Variants in UIMC1 observed in about 807,000 individuals in gnomAD.
The protein encoded by UIMC1 is BRCA1-A complex subunit RAP80.
In UIMC1, 42 loss-of-function variants were observed where a neutral mutation model predicts 84.9. The observed-to-expected ratio is 0.49, with a 90% CI of 0.39 to 0.64. The LOEUF (loss-of-function observed/expected upper bound fraction) is 0.64, where lower values mean the gene tolerates loss of function less well. UIMC1 is among the 30% of genes least tolerant of loss of function. The pLI, the probability that UIMC1 is intolerant of heterozygous loss-of-function variation, is 0.00. For missense variants in UIMC1, 825 were observed against 847.6 expected, an observed-to-expected ratio of 0.97 and a Z score of 0.33; for synonymous variants, 281 against 293.0, an observed-to-expected ratio of 0.96 and a Z score of 0.42.
At chr5:176,959,525 GCTA>G (rs1254015639) in intron 6 of UIMC1, among the ~76,000 whole-genome samples, 21 of 148,334 alleles carry the variant, frequency 1.4e-4, no homozygotes, top group African/African-American at 5.2e-4. Context: ...GACCATCCCA[GCTA>G]AAACGGTGAA....
intron 10 of UIMC1, among the ~76,000 whole-genome samples, chr5:176,927,249 C>T (rs191016326): frequency 3.7e-4 from 56 of 149,874 alleles, no homozygotes; most frequent in African/African-American, 1.3e-3. Context: ...GTCACAGACC[C>T]ATGAATTTCT....
intron 10 of UIMC1, among the ~76,000 whole-genome samples, chr5:176,916,886 C>A (rs1221780449): frequency 6.6e-6 from 1 of 152,088 alleles, no homozygotes; most frequent in Non-Finnish European, 1.5e-5. Context: ...ATATAAACAT[C>A]AACATATTTG....
At chr5:176,973,579 C>CAAAAAA (rs779224466) in intron 3 of UIMC1, among the ~76,000 whole-genome samples, 51 of 78,456 alleles carry the variant, frequency 6.5e-4, no homozygotes, top group African/African-American at 2.5e-3. Flanking sequence ...GACCCTGTCT[C>CAAAAAA]AAAAAAAAAA....
chr5:176,939,458 T>C lies in UIMC1; in HGVS notation c.1597+3877A>G, dbSNP rs2149437154. Among the ~76,000 whole-genome samples the C allele has an allele frequency of 2.0e-5, 3 of 152,042 alleles. No individual in the cohort carries two copies. In the Middle Eastern group the frequency reaches 0.01, roughly 517 times the overall value. The stretch of plus-strand genomic sequence containing the variant: ...CAACGGACCATCTATATGATGGGGG[T>C]GCCATAAAATTATAATACCATATTT... On this transcript the variant is annotated intron_variant, in intron 10 of 14. Coordinates refer to ENST00000511320, the MANE Select transcript of UIMC1 (RefSeq NM_001199298.2).
At chr5:176,975,365 C>G (rs370513575) in intron 3 of UIMC1, 31 bp downstream of exon 3, 34 of 1,607,842 alleles carry the variant, frequency 2.1e-5, no homozygotes, top group Non-Finnish European at 2.8e-5. Flanking sequence ...ATTACAATTC[C>G]CAAACCATTA....
intron 1 of UIMC1, among the ~76,000 whole-genome samples, chr5:177,015,394 C>T (rs1468481529): frequency 1.3e-5 from 2 of 152,248 alleles, no homozygotes; most frequent in Admixed American, 1.3e-4. Flanking sequence ...TTGCCTCAGA[C>T]ATTGTCAGGG....
At chr5:177,011,686 C>T (rs1209768179), upstream of UIMC1, among the ~76,000 whole-genome samples, 6 of 152,086 alleles carry the variant, frequency 3.9e-5, no homozygotes, top group Admixed American at 2.6e-4. Context: ...AATATGACAT[C>T]AAAAGCACAG....
Position 176,925,643 on chromosome 5 carries a change from A to T in UIMC1, c.1598-14254T>A, listed in dbSNP as rs558929932. On this transcript the variant is annotated intron_variant, in intron 10 of 14. Transcript: ENST00000511320. ...AGGAATATAACACGGATCAATCTCA[A>T]AAACATTATGCTGAGTGAAAGATTA... is the stretch of plus-strand genomic sequence containing the variant. Among the ~76,000 whole-genome samples, 7 of 152,332 alleles carry T rather than the reference A, an allele frequency of 4.6e-5. 2 individuals are homozygous for T. The highest frequency in any genetic ancestry group is 1.7e-4 in the African/African-American group (7 of 41,582).
chr5:176,994,975 G>A (rs898851662), intron 1 of UIMC1, among the ~76,000 whole-genome samples: 6 of 151,976 alleles, frequency 3.9e-5, no homozygotes, highest in Admixed American at 2.0e-4. Context: ...GGGGCAGTGT[G>A]CTGGGAGAGT....
intron 10 of UIMC1, among the ~76,000 whole-genome samples, chr5:176,924,788 C>T (rs538995007): frequency 6.6e-6 from 1 of 152,114 alleles, no homozygotes; most frequent in East Asian, 1.9e-4. Flanking sequence ...TATCTGTAAT[C>T]CCAGCACTTT....
chr5:176,984,551 T>A (rs1771660166), intron 1 of UIMC1, among the ~76,000 whole-genome samples: 1 of 151,824 alleles, frequency 6.6e-6, no homozygotes, highest in South Asian at 2.1e-4. Flanking sequence ...GGAGTGCCTC[T>A]GCCCGGCCGC....
intron 1 of UIMC1, chr5:177,006,429 C>A (rs768217257): frequency 1.3e-5 from 2 of 152,210 alleles, no homozygotes; most frequent in Non-Finnish European, 2.9e-5. Context: ...CCGGAGGGAC[C>A]CACCCCCGAC....
intron 2 of UIMC1, among the ~76,000 whole-genome samples, chr5:176,981,803 T>C (rs149954395): frequency 6.6e-6 from 1 of 151,274 alleles, no homozygotes; most frequent in East Asian, 1.9e-4. Context: ...AAAAAAAATA[T>C]ATAGGAGAAA....
intron 6 of UIMC1, among the ~76,000 whole-genome samples, chr5:176,964,892 T>C (rs1171852842): frequency 6.6e-6 from 1 of 152,178 alleles, no homozygotes; most frequent in Non-Finnish European, 1.5e-5. Flanking sequence ...TGACACCAAA[T>C]GGGCCATAAA....
chr5:176,907,106 G>A lies in UIMC1; in HGVS notation c.1912+8C>T. 2.5e-6 allele frequency: 4 copies of A among 1,613,660 alleles called. No homozygotes were observed. The highest frequency in any genetic ancestry group is 1.7e-4 in the Middle Eastern group (1 of 6,020). ...AGAAGCCCAGAAAACTGGTCCTGGG[G>A]TCCTCACCTGAAGTCTTGTGCTCAG... On this transcript the variant is annotated splice_region_variant and intron_variant, in intron 13 of 14. Coordinates refer to ENST00000511320, the MANE Select transcript of UIMC1 (RefSeq NM_001199298.2).
intron 12 of UIMC1, 123 bp from the exon 13 acceptor site, chr5:176,907,300 G>T (rs370677471): frequency 1.1e-6 from 1 of 908,726 alleles, no homozygotes; most frequent in Non-Finnish European, 1.7e-6. Flanking sequence ...CTCTAGGGAA[G>T]TCTTTTGCTT....
intron 2 of UIMC1, among the ~76,000 whole-genome samples, chr5:176,976,200 A>G (rs1581608803): frequency 6.6e-6 from 1 of 152,268 alleles, no homozygotes; most frequent in East Asian, 1.9e-4. Context: ...GCATGGTCCT[A>G]GCTACTCAGG....
At chr5:176,969,421 G>T in intron 5 of UIMC1, 130 bp from the exon 6 acceptor site, 1 of 1,404,502 alleles carries the variant, frequency 7.1e-7, no homozygotes. Context: ...ACCAAATGTT[G>T]GTTTTTCCTT....
intron 1 of UIMC1, among the ~76,000 whole-genome samples, chr5:176,995,458 A>C (rs931661253): frequency 2.7e-5 from 4 of 147,228 alleles, no homozygotes; most frequent in Non-Finnish European, 6.0e-5. Flanking sequence ...CTGGGGTAGG[A>C]GAATTGAATT....
Sources: gnomAD v4.1 joint callset for allele counts (sites outside exome capture counted in the v4.1 genomes callset) on GRCh38, gnomAD v4.1.1 for gene constraint, MANE v1.5 for transcripts, NCBI Gene and HGNC (gene_info 2026-07-23, HGNC 2026-07-21) for gene names.